The following ABCA13 variants were observed in gnomAD, a reference collection of about 807,000 sequenced individuals.
ABCA13 encodes the protein ATP binding cassette subfamily A member 13, also known as ATP-binding cassette sub-family A member 13.
ABCA13 carries 476 observed loss-of-function variants against 478.7 expected under a neutral mutation model. The ratio of observed to expected loss-of-function variants is 0.99; its 90% CI spans 0.92 to 1.07. The LOEUF (loss-of-function observed/expected upper bound fraction) is 1.07, where lower values mean the gene tolerates loss of function less well. Among genes scored for constraint, ABCA13 ranks in the 50% least tolerant of loss-of-function variants. The probability of loss-of-function intolerance (pLI) is 0.00; values close to 1 mark genes in which losing one functional copy is unlikely to be tolerated. For missense variants in ABCA13, 6,060 were observed against 5,910.6 expected, an observed-to-expected ratio of 1.03 and a Z score of -0.83; for synonymous variants, 2,252 against 2,158.9, an observed-to-expected ratio of 1.04 and a Z score of -1.20.
rs181907450 is a variant in ABCA13, at chr7:48,273,126, T to C, written c.3460T>C (p.Trp1154Arg). ...IHCTVSWLQM[W>R]TEIWETISQL... ...CTGTACCGTTTCATGGCTTCAAATG[T>C]GGACTGAAATCTGGGAAACCATATC... The change falls in exon 17 of 62, where the codon TGG becomes CGG. Residue 1154 changes from tryptophan (W) to arginine (R), a missense_variant. Transcript: ENST00000435803. 3.1e-5 allele frequency: 50 copies of C among 1,613,594 alleles called. No homozygotes were observed. Among genetic ancestry groups the C allele is most frequent in the Non-Finnish European group, 4.2e-5 (49 of 1,179,754 alleles).
chr7:48,586,623 T>G (rs1032179294), intron 56 of ABCA13, among the ~76,000 whole-genome samples: 1 of 152,110 alleles, frequency 6.6e-6, no homozygotes, highest in Non-Finnish European at 1.5e-5. Context: ...AACTACCTGT[T>G]GGGTTCCATG....
chr7:48,593,997 A>G (rs540440593), intron 57 of ABCA13, among the ~76,000 whole-genome samples: 1 of 151,470 alleles, frequency 6.6e-6, no homozygotes, highest in South Asian at 2.1e-4. Flanking sequence ...TTCATTTTTG[A>G]CAGTTTGATT....
At chr7:48,235,577 G>T (rs1347045027) in intron 8 of ABCA13, among the ~76,000 whole-genome samples, 1 of 152,198 alleles carries the variant, frequency 6.6e-6, no homozygotes, top group Non-Finnish European at 1.5e-5. Context: ...TTATCATAGT[G>T]TTCTGGAGGT....
chr7:48,280,576 T>C (rs1358070852), intron 18 of ABCA13, among the ~76,000 whole-genome samples: 1 of 152,176 alleles, frequency 6.6e-6, no homozygotes, highest in Non-Finnish European at 1.5e-5. Flanking sequence ...TACCTGTCCT[T>C]TCTGTGGGTG....
At chr7:48,192,884 C>A (rs1432722962) in intron 1 of ABCA13, 75 bp from the exon 2 acceptor site, 2 of 1,164,342 alleles carry the variant, frequency 1.7e-6, no homozygotes, top group Non-Finnish European at 2.4e-6. Flanking sequence ...TTAAAATGAC[C>A]TCCTTCAAGA....
rs1337288072 is a variant in ABCA13 at position 48,276,521 on chromosome 7, T to C, written c.6855T>C (p.Ser2285=). ...FLKEDSENKI[S]LLLKYFHKDV... is the part of the protein sequence containing the mutation. ...AGGAAGATTCTGAGAACAAAATATC[T>C]CTTCTGCTGAAATATTTCCACAAAG... The change falls in exon 17 of 62, where the codon TCT becomes TCC. Residue 2285 remains serine, a synonymous_variant. Coordinates refer to ENST00000435803, the MANE Select transcript of ABCA13 (RefSeq NM_152701.5). 1 of 1,611,290 alleles carries C rather than the reference T, an allele frequency of 6.2e-7. No individual in the cohort carries two copies. The highest frequency in any genetic ancestry group is 2.2e-5 in the East Asian group (1 of 44,768).
chr7:48,249,988 G>T (rs1792297245), intron 15 of ABCA13, among the ~76,000 whole-genome samples: 2 of 148,218 alleles, frequency 1.3e-5, no homozygotes, highest in Non-Finnish European at 3.0e-5. Flanking sequence ...CCAACCCCAA[G>T]TCCAGGCTTC....
At chr7:48,576,177 A>T (rs1232992187) in intron 55 of ABCA13, among the ~76,000 whole-genome samples, 1 of 152,168 alleles carries the variant, frequency 6.6e-6, no homozygotes, top group Admixed American at 6.5e-5. Context: ...TTTAGTATCC[A>T]AAGGGAGTCC....
At chr7:48,194,977 G>A (rs1292289372) in intron 2 of ABCA13, among the ~76,000 whole-genome samples, 2 of 152,186 alleles carry the variant, frequency 1.3e-5, no homozygotes, top group Non-Finnish European at 2.9e-5. Flanking sequence ...CTATTAGACT[G>A]TAGTGGGAAA....
chr7:48,350,008 G>A (rs1584959914), intron 29 of ABCA13, among the ~76,000 whole-genome samples: 1 of 152,162 alleles, frequency 6.6e-6, no homozygotes, highest in African/African-American at 2.4e-5. Flanking sequence ...AAACCAGAGT[G>A]AAAATACTGA....
intron 1 of ABCA13, among the ~76,000 whole-genome samples, chr7:48,172,296 T>G (rs181921093): frequency 6.6e-6 from 1 of 152,218 alleles, no homozygotes; most frequent in Admixed American, 6.5e-5. Flanking sequence ...GATTTTAAGG[T>G]CTACAGTTAA....
At chr7:48,229,617 A>C (rs764286004) in intron 6 of ABCA13, among the ~76,000 whole-genome samples, 1 of 152,232 alleles carries the variant, frequency 6.6e-6, no homozygotes, top group Non-Finnish European at 1.5e-5. Context: ...GTGTTTCAAG[A>C]GAAGACCTTA....
chr7:48,600,424 A>T (rs1375486301), intron 58 of ABCA13, among the ~76,000 whole-genome samples: 1 of 151,748 alleles, frequency 6.6e-6, no homozygotes, highest in Admixed American at 6.6e-5. Flanking sequence ...TAATGTAATT[A>T]TTGATATGGC....
At chr7:48,347,575 G>A (rs901463096) in intron 29 of ABCA13, among the ~76,000 whole-genome samples, 3 of 152,208 alleles carry the variant, frequency 2.0e-5, no homozygotes, top group Non-Finnish European at 2.9e-5. Context: ...CACTGGCTCC[G>A]CATCAGCCAG....
At chr7:48,640,557 C>T (rs773906168) in intron 59 of ABCA13, among the ~76,000 whole-genome samples, 4 of 151,954 alleles carry the variant, frequency 2.6e-5, no homozygotes, top group Non-Finnish European at 5.9e-5. Flanking sequence ...ATTTAATCAC[C>T]GATTATACAA....
At chr7:48,474,009 A>G (rs538987870) in intron 45 of ABCA13, among the ~76,000 whole-genome samples, 1 of 152,294 alleles carries the variant, frequency 6.6e-6, no homozygotes, top group East Asian at 1.9e-4. Context: ...AAACTCAGCT[A>G]CATTTGGTGA....
chr7:48,203,999 C>T (rs1246484181), intron 3 of ABCA13, among the ~76,000 whole-genome samples: 1 of 152,046 alleles, frequency 6.6e-6, no homozygotes, highest in Non-Finnish European at 1.5e-5. Context: ...ATCATCTGAC[C>T]CTCTCTGCCT....
rs766492894 is a variant in ABCA13, at chr7:48,272,462, C to G, written c.2796C>G (p.Ala932=). 4.3e-6 allele frequency: 7 copies of G among 1,613,618 alleles called. No individual in the cohort carries two copies. In the Admixed American group the frequency reaches 8.3e-5, roughly 19 times the overall value. Residue 932 remains alanine (A), a synonymous_variant, in exon 17 of 62, where the codon GCC becomes GCG. Transcript: ENST00000435803. ...AIRNASDLFS[A]LSEPQKQEVD... The stretch of plus-strand genomic sequence containing the variant: ...GGAATGCATCTGATCTTTTCTCAGC[C>G]CTTTCTGAACCACAAAAACAAGAAG...
intron 52 of ABCA13, among the ~76,000 whole-genome samples, chr7:48,517,417 G>A (rs1031543564): frequency 6.6e-6 from 1 of 152,132 alleles, no homozygotes; most frequent in African/African-American, 2.4e-5. Context: ...GGCAGCCAAG[G>A]GCTTTCCTGA....
Sources: allele counts gnomAD v4.1 joint callset (sites outside exome capture counted in the v4.1 genomes callset), GRCh38; gene constraint gnomAD v4.1.1; transcripts MANE v1.5; gene names NCBI Gene and HGNC (gene_info 2026-07-23, HGNC 2026-07-21).